GALNT14: variants seen among roughly 807,000 people sequenced by gnomAD.
GALNT14 encodes polypeptide N-acetylgalactosaminyltransferase 14.
In GALNT14, 60 loss-of-function variants were observed where a neutral mutation model predicts 77.5. That is an observed-to-expected ratio of 0.77 (90% CI 0.63 to 0.96). GALNT14 has a LOEUF of 0.96. GALNT14 is among the 40% of genes least tolerant of loss of function. The pLI is 0.00. For missense variants in GALNT14, 710 were observed against 731.0 expected (o/e 0.97, Z 0.33); for synonymous variants, 280 against 281.7 (o/e 0.99, Z 0.06).
At chr2:31,091,630 T>A (rs927106085) in intron 1 of GALNT14, among the ~76,000 whole-genome samples, 9 of 152,182 alleles carry the variant, frequency 5.9e-5, no homozygotes, top group Admixed American at 5.9e-4. Context: ...TTATCACAGT[T>A]CTGGAACCTG....
At chr2:31,080,644 G>A (rs566866550) in intron 1 of GALNT14, among the ~76,000 whole-genome samples, 3 of 152,202 alleles carry the variant, frequency 2.0e-5, no homozygotes, top group African/African-American at 7.2e-5. Flanking sequence ...CCTGTTCTGG[G>A]AGTCTCAGAT....
chr2:31,049,454 C>T (rs1484287138), intron 1 of GALNT14, among the ~76,000 whole-genome samples: 1 of 152,226 alleles, frequency 6.6e-6, no homozygotes. Flanking sequence ...GGGACACTAG[C>T]TACCTCAGAG....
intron 2 of GALNT14, among the ~76,000 whole-genome samples, chr2:30,986,442 T>G (rs891999675): frequency 6.6e-6 from 1 of 152,182 alleles, no homozygotes; most frequent in Non-Finnish European, 1.5e-5. Flanking sequence ...AGATGTTTTA[T>G]GTACCACTTG....
chr2:30,903,640 A>C, the GALNT14 span, among the ~76,000 whole-genome samples: 1 of 152,150 alleles, frequency 6.6e-6, no homozygotes, highest in Non-Finnish European at 1.5e-5. Context: ...GATGACTGTG[A>C]CCCTGGCCAA....
chr2:30,978,934 A>T (rs1019886202), intron 2 of GALNT14, among the ~76,000 whole-genome samples: 12 of 152,206 alleles, frequency 7.9e-5, no homozygotes, highest in African/African-American at 2.7e-4. Flanking sequence ...CTGAGGGGCA[A>T]GCGGTCTTCC....
At position 30,931,367 on chromosome 2, in the gene GALNT14, G is replaced by A. The variant is rs560854572; in HGVS notation, c.1058+701C>T. On this transcript the variant is annotated intron_variant, in intron 10 of 14. Transcript: ENST00000349752. Reference sequence around the variant, plus strand: ...GAAAGAGAGAGAATCAAGAGGAAAAGATGGAAAGAGGAATATTCACGAATT... The same window carrying A: ...GAAAGAGAGAGAATCAAGAGGAAAAAATGGAAAGAGGAATATTCACGAATT... 2.6e-5 allele frequency among the ~76,000 whole-genome samples: 4 copies of A among 152,266 alleles called. No homozygotes were observed. In the South Asian group the frequency reaches 8.3e-4, roughly 32 times the overall value.
At chr2:30,939,556 T>C (rs896679042) in intron 9 of GALNT14, among the ~76,000 whole-genome samples, 14 of 152,142 alleles carry the variant, frequency 9.2e-5, no homozygotes, top group Middle Eastern at 3.4e-3. Context: ...AGGGAGCCAC[T>C]GAGAATGCCA....
At chr2:30,938,382 A>ACT (rs1308784183) in intron 9 of GALNT14, among the ~76,000 whole-genome samples, 29 of 143,588 alleles carry the variant, frequency 2.0e-4, no homozygotes, top group South Asian at 1.5e-3. Context: ...ACACACACAC[A>ACT]CACTCTCTCT....
At chr2:30,965,345 C>T (rs762408111) in intron 3 of GALNT14, among the ~76,000 whole-genome samples, 2 of 151,678 alleles carry the variant, frequency 1.3e-5, no homozygotes, top group Non-Finnish European at 2.9e-5. Flanking sequence ...AGAATATGTG[C>T]GCAGAGGAGC....
intron 1 of GALNT14, among the ~76,000 whole-genome samples, chr2:30,996,525 G>C (rs549015733): frequency 6.6e-6 from 1 of 152,348 alleles, no homozygotes; most frequent in African/African-American, 2.4e-5. Context: ...ACACCAGAGA[G>C]GGTGGGCACA....
intron 1 of GALNT14, among the ~76,000 whole-genome samples, chr2:31,124,253 C>T (rs1678576031): frequency 6.6e-6 from 1 of 152,192 alleles, no homozygotes; most frequent in South Asian, 2.1e-4. Context: ...CCTGCCAGGG[C>T]TCTAGCATCC....
chr2:30,900,780 G>A, the GALNT14 span, among the ~76,000 whole-genome samples: 1 of 152,178 alleles, frequency 6.6e-6, no homozygotes, highest in Non-Finnish European at 1.5e-5. Flanking sequence ...GCGCTGAAGG[G>A]GAATTGAAGC....
At position 30,924,803 on chromosome 2, in the gene GALNT14, A is replaced by T. The variant is rs1572975158; in HGVS notation, c.1172T>A (p.Leu391Gln). 1.2e-6 allele frequency: 2 copies of T among 1,613,972 alleles called. No individual in the cohort carries two copies. Among genetic ancestry groups the T allele is most frequent in the South Asian group, 2.2e-5 (2 of 91,038 alleles). Reference sequence around the variant, plus strand: ...GCTCTGGCAGCGCAGATTCTTCCTCAGGTCCAATCTGCTCTCAACACTGGG... The same window carrying T: ...GCTCTGGCAGCGCAGATTCTTCCTCTGGTCCAATCTGCTCTCAACACTGGG... ...PFGNVESRLD[L>Q]RKNLRCQSFK... The change falls in exon 12 of 15, where the codon CTG becomes CAG. Residue 391 changes from leucine (L) to glutamine (Q), a missense_variant. Leu to Gln is a moderately radical substitution (Grantham distance 113). Coordinates refer to ENST00000349752, the MANE Select transcript of GALNT14 (RefSeq NM_024572.4).
Position 31,079,196 on chromosome 2 carries a change from CAAG to C in GALNT14, c.129+58759_129+58761del, listed in dbSNP as rs1189188046. The C allele has an allele frequency of 6.4e-6, 3 of 471,914 alleles. No homozygotes were observed. The East Asian group carries it at 2.7e-4, about 43-fold the overall frequency. The allele number at this position is 471,914 out of a possible 1,614,324, so 29.2% of individuals were successfully genotyped here. A position where few individuals can be genotyped will look rare whatever the true frequency, so the allele number is the denominator to read the frequency against. On this transcript the variant is annotated intron_variant, in intron 1 of 14. Transcript: ENST00000349752. ...CACATCAGTGTGGAAGTTGGCTGGACAAGAAGGATTCTCCTCCTATTAGGAAGC... is the reference window on the plus strand; with the variant it reads ...CACATCAGTGTGGAAGTTGGCTGGACAAGGATTCTCCTCCTATTAGGAAGC...
chr2:31,120,728 C>T (rs747403934), intron 1 of GALNT14, among the ~76,000 whole-genome samples: 83 of 151,890 alleles, frequency 5.5e-4, no homozygotes, highest in Non-Finnish European at 1.0e-3. Context: ...AGCTAATTTT[C>T]GTATTTTTAG....
chr2:30,949,725 T>C (rs1382620422), intron 6 of GALNT14, among the ~76,000 whole-genome samples: 2 of 152,238 alleles, frequency 1.3e-5, no homozygotes, highest in Non-Finnish European at 2.9e-5. Context: ...TGTCCACTCT[T>C]GTGATCAACC....
intron 4 of GALNT14, among the ~76,000 whole-genome samples, chr2:30,956,744 T>A (rs1467522777): frequency 6.6e-6 from 1 of 152,202 alleles, no homozygotes; most frequent in East Asian, 1.9e-4. Flanking sequence ...TGACCTCAGA[T>A]GATCCTCCCG....
At chr2:30,932,721 A>C (rs1180199278) in intron 9 of GALNT14, among the ~76,000 whole-genome samples, 1 of 152,224 alleles carries the variant, frequency 6.6e-6, no homozygotes, top group Admixed American at 6.5e-5. Flanking sequence ...GCAAGGATGC[A>C]ACAAAGGGGA....
chr2:31,015,185 G>T (rs1671275332), intron 1 of GALNT14, among the ~76,000 whole-genome samples: 1 of 151,816 alleles, frequency 6.6e-6, no homozygotes, highest in Non-Finnish European at 1.5e-5. Flanking sequence ...CCAGCTACTT[G>T]GGAGGCTGAG....
Sources: gnomAD v4.1 joint callset for allele counts (sites outside exome capture counted in the v4.1 genomes callset) on GRCh38, gnomAD v4.1.1 for gene constraint, MANE v1.5 for transcripts, NCBI Gene and HGNC (gene_info 2026-07-23, HGNC 2026-07-21) for gene names.